The following CENPN variants were observed in gnomAD, a reference collection of about 807,000 sequenced individuals.
CENPN encodes interphase centromere complex protein 32.
A neutral mutation model predicts 48.6 loss-of-function variants in CENPN; 36 were observed. The observed-to-expected ratio is 0.74, with a 90% CI of 0.57 to 0.98. The LOEUF is 0.98. CENPN is among the 50% of genes least tolerant of loss of function. CENPN has a pLI of 0.00. For synonymous variants in CENPN, 166 were observed against 135.2 expected, an observed-to-expected ratio of 1.23 and a Z score of -1.58; for missense variants, 439 against 399.2, an observed-to-expected ratio of 1.10 and a Z score of -0.85.
chr16:81,008,215 G>C (rs558004195), intron 1 of CENPN, among the ~76,000 whole-genome samples: 11 of 152,294 alleles, frequency 7.2e-5, no homozygotes, highest in African/African-American at 2.6e-4. Context: ...AATTTCTTTA[G>C]ACTGGCGTTC....
At chr16:81,015,380 G>A (rs1025230108) in intron 3 of CENPN, among the ~76,000 whole-genome samples, 4 of 152,170 alleles carry the variant, frequency 2.6e-5, no homozygotes, top group Admixed American at 6.5e-5. Context: ...GTGGCATACC[G>A]ACATCTCTGG....
At chr16:81,020,920 T>C (rs1228167983) in intron 6 of CENPN, among the ~76,000 whole-genome samples, 1 of 151,892 alleles carries the variant, frequency 6.6e-6, no homozygotes, top group Non-Finnish European at 1.5e-5. Flanking sequence ...TAAAACCCTG[T>C]CTCTACTAAA....
Position 81,026,465 on chromosome 16 carries a change from G to A in CENPN, c.698-61G>A, listed in dbSNP as rs1244011159. The A allele has an allele frequency of 9.4e-6, 7 of 745,692 alleles. No homozygotes were observed. In the East Asian group the frequency reaches 1.8e-4, roughly 20 times the overall value. 46.2% of individuals were successfully genotyped at this position (745,692 alleles called of 1,614,324 possible). ...TTCGAAGGGTTAGGAATGAAAGGAG[G>A]ATAATTTAAGGATGAAATATATTCC... On this transcript the variant is annotated intron_variant, in intron 8 of 10. Coordinates refer to ENST00000305850, the MANE Select transcript of CENPN (RefSeq NM_001100624.3).
chr16:81,032,652 G>A (rs1330046970), downstream of CENPN: 3 of 1,613,504 alleles, frequency 1.9e-6, no homozygotes, highest in Non-Finnish European at 2.5e-6. Context: ...GCTGGCAGAA[G>A]GACTTGTACC....
At chr16:81,010,524 A>G (rs1294196872) in intron 1 of CENPN, among the ~76,000 whole-genome samples, 3 of 152,160 alleles carry the variant, frequency 2.0e-5, no homozygotes, top group Non-Finnish European at 4.4e-5. Context: ...GGGAGGAAAG[A>G]GCTCTTTGTT....
chr16:81,021,540 A>G (rs1207092475), intron 6 of CENPN, among the ~76,000 whole-genome samples: 1 of 152,182 alleles, frequency 6.6e-6, no homozygotes, highest in East Asian at 1.9e-4. Context: ...TGTTGTGACC[A>G]GGCGAGCCCT....
At chr16:81,032,665 C>G (rs557130605), downstream of CENPN, 2 of 1,611,808 alleles carry the variant, frequency 1.2e-6, no homozygotes, top group African/African-American at 2.7e-5. Flanking sequence ...CTTGTACCTT[C>G]TGTTTGTCCC....
At chr16:81,026,101 G>C (rs1428927656) in intron 8 of CENPN, among the ~76,000 whole-genome samples, 4 of 133,444 alleles carry the variant, frequency 3.0e-5, no homozygotes, top group Non-Finnish European at 6.4e-5. Flanking sequence ...ATATATATGT[G>C]TGTGTATATA....
At chr16:81,018,245 C>T (rs12597960) in intron 5 of CENPN, among the ~76,000 whole-genome samples, 7 of 151,658 alleles carry the variant, frequency 4.6e-5, no homozygotes, top group Admixed American at 1.3e-4. Flanking sequence ...GGCGAGATCT[C>T]GGCTCACTGC....
intron 7 of CENPN, chr16:81,022,924 CTG>C (rs1331974545): frequency 1.9e-6 from 3 of 1,556,438 alleles, no homozygotes; most frequent in East Asian, 2.3e-5. Context: ...TCACTGGAGT[CTG>C]TGTTGTAGAT....
intron 1 of CENPN, among the ~76,000 whole-genome samples, chr16:81,009,775 A>G (rs914412296): frequency 2.6e-5 from 4 of 152,240 alleles, no homozygotes; most frequent in African/African-American, 9.6e-5. Flanking sequence ...GAATTCCCAC[A>G]GTTGTGAAGG....
At chr16:81,032,825 C>T, downstream of CENPN, 1 of 1,041,072 alleles carries the variant, frequency 9.6e-7, no homozygotes, top group Non-Finnish European at 1.4e-6. Flanking sequence ...TCAAATTTGA[C>T]CAATCTTGGA....
intron 1 of CENPN, 62 bp downstream of exon 1, chr16:81,007,339 A>G (rs1254526107): frequency 6.6e-6 from 1 of 152,304 alleles, no homozygotes; most frequent in Non-Finnish European, 1.5e-5. Flanking sequence ...TGAGGAAGCC[A>G]GATCCCAGGC....
rs985581890 is a variant in CENPN, at chr16:81,026,177, A to ATG, written c.698-341_698-340dup. Among the ~76,000 whole-genome samples, 13 of 146,202 alleles carry ATG rather than the reference A, an allele frequency of 8.9e-5. No individual in the cohort carries two copies. The East Asian group carries it at 1.6e-3, about 18-fold the overall frequency. On this transcript the variant is annotated intron_variant, in intron 8 of 10. Coordinates refer to ENST00000305850, the MANE Select transcript of CENPN (RefSeq NM_001100624.3). ...TATGTGTATATATATGTGTATATAT[A>ATG]TGTGTGTGTATATATATGTATATAT...
At chr16:81,018,913 G>A (rs1970048747) in intron 5 of CENPN, among the ~76,000 whole-genome samples, 1 of 152,198 alleles carries the variant, frequency 6.6e-6, no homozygotes, top group Admixed American at 6.5e-5. Context: ...TCCTTTCTAG[G>A]CTCAGAGCTT....
chr16:81,026,495 G>A (rs1204560060), intron 8 of CENPN, 31 bp from the exon 9 acceptor site: 5 of 1,057,258 alleles, frequency 4.7e-6, no homozygotes, highest in Admixed American at 1.9e-5. Context: ...TATTCCTAAC[G>A]GCTGTTTTAT....
intron 3 of CENPN, chr16:81,017,000 A>G (rs1969958424): frequency 3.7e-6 from 1 of 269,078 alleles, no homozygotes; most frequent in African/African-American, 2.3e-5. Flanking sequence ...CCTGTGGGGC[A>G]CAGCATTCCC....
In CENPN at chr16:81,011,855, G is replaced by T. The variant is rs559709339; in HGVS notation, c.-10-75G>T. On this transcript the variant is annotated intron_variant, in intron 1 of 10. Transcript: ENST00000305850. ...CTGTCTCTATTTTTCATATGTGTAT[G>T]TGTATGTGTAAATAAAGACAGACAA... The T allele has an allele frequency of 1.5e-5, 18 of 1,214,252 alleles. No individual in the cohort carries two copies. In the African/African-American group the frequency reaches 2.7e-4, roughly 18 times the overall value. 75.2% of individuals were successfully genotyped at this position (1,214,252 alleles called of 1,614,324 possible).
At chr16:81,020,313 T>A in intron 6 of CENPN, 37 bp downstream of exon 6, 1 of 1,580,716 alleles carries the variant, frequency 6.3e-7, no homozygotes, top group South Asian at 1.1e-5. Flanking sequence ...AATATTTTAT[T>A]ATCCTATCTC....
Sources: allele counts gnomAD v4.1 joint callset (sites outside exome capture counted in the v4.1 genomes callset), GRCh38; gene constraint gnomAD v4.1.1; transcripts MANE v1.5; gene names NCBI Gene and HGNC (gene_info 2026-07-23, HGNC 2026-07-21).